HIVEP3: variants seen among roughly 807,000 people sequenced by gnomAD.
HIVEP3 encodes transcription factor HIVEP3.
HIVEP3 carries 49 observed loss-of-function variants against 152.8 expected under a neutral mutation model. The observed-to-expected ratio is 0.32, with a 90% CI of 0.26 to 0.41. The LOEUF (loss-of-function observed/expected upper bound fraction) is 0.41, where lower values mean the gene tolerates loss of function less well. Ranked by LOEUF, HIVEP3 falls within the 10% of genes least tolerant of loss-of-function variation. The pLI, the probability that HIVEP3 is intolerant of heterozygous loss-of-function variation, is 1.00. For synonymous variants in HIVEP3, 1,269 were observed against 1,289.0 expected (o/e 0.98, Z 0.33); for missense variants, 2,790 against 3,103.3 (o/e 0.90, Z 2.40).
chr1:41,775,166 G>T (rs939957055), intron 1 of HIVEP3, among the ~76,000 whole-genome samples: 1 of 152,100 alleles, frequency 6.6e-6, no homozygotes, highest in Admixed American at 6.5e-5. Flanking sequence ...GTTTTCTGGT[G>T]TTGAAACATG....
chr1:41,652,503 A>G (rs1645566177), intron 2 of HIVEP3, among the ~76,000 whole-genome samples: 1 of 152,130 alleles, frequency 6.6e-6, no homozygotes, highest in African/African-American at 2.4e-5. Flanking sequence ...AGGATCAGGG[A>G]AAGTGGAGGC....
intron 1 of HIVEP3, among the ~76,000 whole-genome samples, chr1:41,826,140 C>T (rs1224333036): frequency 1.3e-5 from 2 of 152,194 alleles, no homozygotes; most frequent in Non-Finnish European, 2.9e-5. Flanking sequence ...TAAGTGGGGC[C>T]ACCCTGCTTC....
chr1:41,646,865 G>A (rs555309536), intron 2 of HIVEP3, among the ~76,000 whole-genome samples: 2 of 152,310 alleles, frequency 1.3e-5, no homozygotes, highest in South Asian at 4.1e-4. Flanking sequence ...GGTCTCACTG[G>A]GCTAAAATCC....
chr1:41,891,727 G>A (rs980579449), intron 1 of HIVEP3, among the ~76,000 whole-genome samples: 1 of 152,244 alleles, frequency 6.6e-6, no homozygotes. Flanking sequence ...CATTCGGGCT[G>A]GTTTAAAGCA....
intron 5 of HIVEP3, among the ~76,000 whole-genome samples, chr1:41,564,910 G>C (rs904803431): frequency 1.3e-5 from 2 of 152,184 alleles, no homozygotes; most frequent in African/African-American, 4.8e-5. Context: ...CGCTGGATGA[G>C]AGTGCACCAC....
intron 1 of HIVEP3, among the ~76,000 whole-genome samples, chr1:41,842,141 A>C (rs1570648388): frequency 6.6e-6 from 1 of 152,298 alleles, no homozygotes; most frequent in African/African-American, 2.4e-5. Flanking sequence ...CACCTAGTAT[A>C]TAGTAAGCAC....
chr1:41,981,880 G>C (rs1645295970), intron 1 of HIVEP3, among the ~76,000 whole-genome samples: 1 of 152,172 alleles, frequency 6.6e-6, no homozygotes, highest in African/African-American at 2.4e-5. Flanking sequence ...AGGCCAAGGG[G>C]ACAGCTGCTG....
chr1:41,620,479 ACT>A (rs983231393), intron 3 of HIVEP3, among the ~76,000 whole-genome samples: 2 of 151,334 alleles, frequency 1.3e-5, no homozygotes, highest in Admixed American at 1.3e-4. Flanking sequence ...CACTTCTCTG[ACT>A]CTTCCATCCA....
chr1:41,980,141 A>G (rs1645286375), intron 1 of HIVEP3, among the ~76,000 whole-genome samples: 1 of 152,242 alleles, frequency 6.6e-6, no homozygotes, highest in South Asian at 2.1e-4. Context: ...CACTTGGGAA[A>G]ACAATTTGGC....
chr1:42,002,215 T>TACC (rs1421498731), intron 1 of HIVEP3, among the ~76,000 whole-genome samples: 1 of 152,072 alleles, frequency 6.6e-6, no homozygotes, highest in Admixed American at 6.5e-5. Flanking sequence ...GGGACCAAAT[T>TACC]ACCTCCTCCT....
chr1:42,014,934 C>T (rs536564115), intron 1 of HIVEP3, among the ~76,000 whole-genome samples: 1 of 152,300 alleles, frequency 6.6e-6, no homozygotes, highest in African/African-American at 2.4e-5. Context: ...CTGTGGCTTT[C>T]ATCTTTCCTT....
At chr1:41,721,204 A>ATTTT (rs56881396) in intron 1 of HIVEP3, among the ~76,000 whole-genome samples, 1 of 146,164 alleles carries the variant, frequency 6.8e-6, no homozygotes, top group Non-Finnish European at 1.5e-5. Context: ...TCTTACTGCA[A>ATTTT]TTTTTTTTTT....
intron 1 of HIVEP3, among the ~76,000 whole-genome samples, chr1:41,740,505 G>C (rs889526148): frequency 6.6e-6 from 1 of 152,246 alleles, no homozygotes; most frequent in Non-Finnish European, 1.5e-5. Context: ...GTCAGGGCAA[G>C]CCCATGACAG....
In HIVEP3 at chr1:41,581,283, A is replaced by T; in HGVS notation, c.3515T>A (p.Leu1172Gln). The stretch of plus-strand genomic sequence containing the variant: ...TGGGGGCATGGAGTATGGTGAGGAC[A>T]GGAGGCTGGACATGGCCTGGGTGGA... ...FFSTQAMSSL[L>Q]SSPYSMPPLP... Residue 1172 changes from leucine (L) to glutamine (Q), a missense_variant, in exon 4 of 9, where the codon CTG (leucine) becomes CAG (glutamine). Coordinates refer to ENST00000372583, the MANE Select transcript of HIVEP3 (RefSeq NM_024503.5). This position sits in a 1 kb window ranked among gnomAD's most constrained non-coding sequence, Gnocchi z 4.5. 6.2e-7 allele frequency: 1 copy of T among 1,610,038 alleles called. No individual in the cohort carries two copies. Among genetic ancestry groups the T allele is most frequent in the African/African-American group, 1.3e-5 (1 of 74,934 alleles).
chr1:41,605,565 TA>T (rs1644811673), intron 3 of HIVEP3, among the ~76,000 whole-genome samples: 1 of 151,524 alleles, frequency 6.6e-6, no homozygotes, highest in Non-Finnish European at 1.5e-5. Context: ...ACCAAAAAGA[TA>T]ATAAGGGGTG....
chr1:42,033,637 G>C (rs1645625480), intron 1 of HIVEP3, among the ~76,000 whole-genome samples: 1 of 152,232 alleles, frequency 6.6e-6, no homozygotes, highest in South Asian at 2.1e-4. Context: ...GAAAGGGAAG[G>C]AGATAAGGTT....
chr1:41,526,996 C>A (rs1220329435), intron 5 of HIVEP3, among the ~76,000 whole-genome samples: 3 of 123,598 alleles, frequency 2.4e-5, no homozygotes, highest in Non-Finnish European at 5.1e-5. Context: ...CACACCCCTG[C>A]ACTCACACTC....
chr1:41,780,004 G>C (rs1648945450), intron 1 of HIVEP3, among the ~76,000 whole-genome samples: 1 of 152,190 alleles, frequency 6.6e-6, no homozygotes, highest in Non-Finnish European at 1.5e-5. Flanking sequence ...GTTTGAAAAA[G>C]GGTAAATTAA....
intron 1 of HIVEP3, among the ~76,000 whole-genome samples, chr1:41,788,394 G>A (rs952057787): frequency 1.3e-5 from 2 of 152,214 alleles, no homozygotes; most frequent in Non-Finnish European, 2.9e-5. Context: ...TCAGAGAGGC[G>A]AAGTGGCCAC....
Sources: gnomAD v4.1 joint callset for allele counts (sites outside exome capture counted in the v4.1 genomes callset) on GRCh38, gnomAD v4.1.1 for gene constraint, Gnocchi (gnomAD v3.1) non-coding constraint, MANE v1.5 for transcripts, NCBI Gene and HGNC (gene_info 2026-07-23, HGNC 2026-07-21) for gene names.